ZNF415: variants seen among roughly 807,000 people sequenced by gnomAD.
ZNF415 encodes the protein zinc finger protein 415.
A neutral mutation model predicts 7.3 loss-of-function variants in ZNF415; 5 were observed. The observed-to-expected ratio is 0.69, with a 90% CI of 0.36 to 1.44. ZNF415 has a LOEUF of 1.44. Ranked by LOEUF, ZNF415 falls within the 40% of genes most tolerant of loss-of-function variation. The pLI is 0.04. For missense variants in ZNF415, 628 were observed against 664.8 expected (o/e 0.94, Z 0.61); for synonymous variants, 207 against 226.3 (o/e 0.91, Z 0.77).
At chr19:53,110,967 T>G (rs1259813043) in intron 3 of ZNF415, among the ~76,000 whole-genome samples, 3 of 152,192 alleles carry the variant, frequency 2.0e-5, no homozygotes, top group Non-Finnish European at 4.4e-5. Flanking sequence ...GAAAATTTAT[T>G]AACTGAAATC....
intron 2 of ZNF415, among the ~76,000 whole-genome samples, chr19:53,120,988 G>C (rs981560992): frequency 6.6e-6 from 1 of 150,816 alleles, no homozygotes; most frequent in Non-Finnish European, 1.5e-5. Context: ...GGAGGCTGAG[G>C]CAGGAGAATT....
rs181719863 is a variant in ZNF415, at chr19:53,130,799, C to T, written c.-68+2057G>A. Among the ~76,000 whole-genome samples, 3 of 152,130 alleles carry T rather than the reference C, an allele frequency of 2.0e-5. No individual in the cohort carries two copies. In the East Asian group the frequency reaches 5.8e-4, roughly 30 times the overall value. On this transcript the variant is annotated intron_variant, in intron 1 of 3. Coordinates refer to ENST00000243643, the MANE Select transcript of ZNF415 (RefSeq NM_018355.4). The stretch of plus-strand genomic sequence containing the variant: ...TAGCTGGGATTACAGATGCGTGTCA[C>T]CATACCTGGCTAAGTTTTGTATTTT...
At chr19:53,130,708 C>T (rs897757931) in intron 1 of ZNF415, among the ~76,000 whole-genome samples, 3 of 151,868 alleles carry the variant, frequency 2.0e-5, no homozygotes, top group Non-Finnish European at 2.9e-5. Flanking sequence ...CACCGGATCT[C>T]GGCTCTTGGC....
Position 53,109,923 on chromosome 19 carries a change from A to C in ZNF415, c.137-15T>G. ...ACGAGACAGATCTATAAGAAATGAA[A>C]ACCATAGGTTTCCAATTAATTAGAG... On this transcript the variant is annotated splice_polypyrimidine_tract_variant and intron_variant, in intron 3 of 3. Coordinates refer to ENST00000243643, the MANE Select transcript of ZNF415 (RefSeq NM_018355.4). The C allele has an allele frequency of 6.5e-7, 1 of 1,538,724 alleles. No homozygotes were observed. Among genetic ancestry groups the C allele is most frequent in the South Asian group, 1.3e-5 (1 of 77,984 alleles).
At chr19:53,113,574 C>T (rs909646498) in intron 3 of ZNF415, among the ~76,000 whole-genome samples, 9 of 144,680 alleles carry the variant, frequency 6.2e-5, no homozygotes, top group African/African-American at 1.8e-4. Flanking sequence ...AAAGAACAAA[C>T]GAAAAAAAAC....
At chr19:53,118,367 A>G (rs1468446906) in intron 2 of ZNF415, among the ~76,000 whole-genome samples, 2 of 152,192 alleles carry the variant, frequency 1.3e-5, no homozygotes, top group Non-Finnish European at 2.9e-5. Context: ...ATAGTTAGGG[A>G]TTTCAGCATT....
chr19:53,127,831 C>G (rs1234859352), intron 1 of ZNF415, among the ~76,000 whole-genome samples: 1 of 148,138 alleles, frequency 6.8e-6, no homozygotes, highest in African/African-American at 2.5e-5. Flanking sequence ...GGGCCAGGAT[C>G]GCACCACTGC....
intron 3 of ZNF415, chr19:53,115,745 C>T (rs1281109757): frequency 6.4e-7 from 1 of 1,550,510 alleles, no homozygotes; most frequent in Non-Finnish European, 8.7e-7. Context: ...TTTTGGTTTT[C>T]TTGCTACTCG....
intron 3 of ZNF415, among the ~76,000 whole-genome samples, chr19:53,111,677 A>G (rs983882115): frequency 6.6e-6 from 1 of 152,072 alleles, no homozygotes; most frequent in African/African-American, 2.4e-5. Context: ...GATGAGTTAT[A>G]TAAGACAGAA....
At chr19:53,124,068 T>C (rs2088607039) in intron 1 of ZNF415, 1 of 152,040 alleles carries the variant, frequency 6.6e-6, no homozygotes, top group Non-Finnish European at 1.5e-5. Flanking sequence ...TGAAACCCCA[T>C]CTCTACTAAA....
intron 3 of ZNF415, chr19:53,115,664 G>A: frequency 7.0e-7 from 1 of 1,427,980 alleles, no homozygotes. Context: ...CAAACATAGT[G>A]TAATGGTGTG....
In ZNF415 at chr19:53,108,768, T is replaced by A. The variant is rs2085760645; in HGVS notation, c.1277A>T (p.His426Leu). The A allele has an allele frequency of 3.7e-6, 6 of 1,613,068 alleles. No individual in the cohort carries two copies. Among genetic ancestry groups the A allele is most frequent in the Non-Finnish European group, 5.1e-6 (6 of 1,179,334 alleles). The change falls in exon 4 of 4, where the codon CAC (histidine) becomes CTC (leucine). Residue 426 changes from histidine (H) to leucine (L), a missense_variant. His to Leu is a moderately conservative substitution (Grantham distance 99). Transcript: ENST00000243643. Reference protein sequence around the residue: ...ECGKVFSYNSHLASHRRVHTG... With the variant: ...ECGKVFSYNSLLASHRRVHTG... ...ATGAACTCTCCGATGACTCGCAAGG[T>A]GTGAATTGTAACTGAAAACCTTACC...
chr19:53,108,719 A>C lies in ZNF415; in HGVS notation c.1326T>G (p.Cys442Trp). Residue 442 changes from cysteine (C) to tryptophan (W), a missense_variant, in exon 4 of 4, where the codon TGT becomes TGG. By Grantham distance (215) the Cys-to-Trp change is radical. Transcript: ENST00000243643. ...RVHTGEKPYK[C>W]NECGKAFSVH... Reference sequence around the variant, plus strand: ...CACTAAAGGCTTTCCCACACTCATTACACTTGTAAGGTTTCTCTCCAGTAT... The same window carrying C: ...CACTAAAGGCTTTCCCACACTCATTCCACTTGTAAGGTTTCTCTCCAGTAT... 6.2e-7 allele frequency: 1 copy of C among 1,614,170 alleles called. No homozygotes were observed. Among genetic ancestry groups the C allele is most frequent in the Non-Finnish European group, 8.5e-7 (1 of 1,180,028 alleles).
Position 53,108,858 on chromosome 19 carries a change from G to A in ZNF415, c.1187C>T (p.Thr396Ile). The A allele has an allele frequency of 6.2e-7, 1 of 1,613,738 alleles. No individual in the cohort carries two copies. ...TCTCCAATGCCTTGCAAGGCTTGAA[G>A]TCTGACTGAAGACTTTACCACATTC... ...CNECGKVFSQ[T>I]SSLARHWRIH... is the part of the protein sequence containing the mutation. Residue 396 changes from threonine to isoleucine, a missense_variant, in exon 4 of 4, where the codon ACT (threonine) becomes ATT (isoleucine). Coordinates refer to ENST00000243643, the MANE Select transcript of ZNF415 (RefSeq NM_018355.4).
intron 1 of ZNF415, among the ~76,000 whole-genome samples, chr19:53,128,829 T>C (rs79997485): frequency 0.014 from 1,311 of 95,296 alleles, 47 homozygotes; most frequent in African/African-American, 0.019. Context: ...CTGAGGAGTC[T>C]TCAGCCCAAC....
In ZNF415 at chr19:53,109,796, C is replaced by T. The variant is rs778623046; in HGVS notation, c.249G>A (p.Glu83=). Residue 83 remains glutamate (E), a synonymous_variant, in exon 4 of 4, where the codon GAG becomes GAA. Coordinates refer to ENST00000243643, the MANE Select transcript of ZNF415 (RefSeq NM_018355.4). ...LEQHEKHDIE[E]FCFREIKKKI... is the part of the protein sequence containing the mutation. Reference sequence around the variant, plus strand: ...TTTTCTTGATTTCCCTGAAGCAAAACTCTTCAATGTCATGTTTTTCATGTT... The same window carrying T: ...TTTTCTTGATTTCCCTGAAGCAAAATTCTTCAATGTCATGTTTTTCATGTT... The T allele has an allele frequency of 3.1e-5, 50 of 1,613,778 alleles. No homozygotes were observed. The highest frequency in any genetic ancestry group is 4.2e-5 in the Non-Finnish European group (49 of 1,179,952).
At chr19:53,126,493 G>A (rs1279597054) in intron 1 of ZNF415, among the ~76,000 whole-genome samples, 2 of 141,118 alleles carry the variant, frequency 1.4e-5, no homozygotes, top group African/African-American at 5.0e-5. Flanking sequence ...GTCTTGCGTG[G>A]GGCAAACTGA....
intron 3 of ZNF415, among the ~76,000 whole-genome samples, chr19:53,113,695 A>G (rs185317602): frequency 2.5e-4 from 38 of 152,298 alleles, no homozygotes; most frequent in African/African-American, 8.7e-4. Flanking sequence ...ACAATGGTGC[A>G]CACAGGATGG....
In ZNF415 at chr19:53,108,293, T is replaced by G. The variant is rs2085675146; in HGVS notation, c.*84A>C. Reference sequence around the variant, plus strand: ...AATTGTGACTGAAAACCTTGCCACATTTATTATACTTGTATGGTTTCTCTC... The same window carrying G: ...AATTGTGACTGAAAACCTTGCCACAGTTATTATACTTGTATGGTTTCTCTC... On this transcript the variant is annotated 3_prime_UTR_variant, in exon 4 of 4. Transcript: ENST00000243643. 3.7e-6 allele frequency: 5 copies of G among 1,348,832 alleles called. No individual in the cohort carries two copies. The East Asian group carries it at 9.3e-5, about 25-fold the overall frequency. The allele number at this position is 1,348,832 out of a possible 1,614,324, so 83.6% of individuals were successfully genotyped here. A position where few individuals can be genotyped will look rare whatever the true frequency, so the allele number is the denominator to read the frequency against.
Sources: allele counts gnomAD v4.1 joint callset (sites outside exome capture counted in the v4.1 genomes callset), GRCh38; gene constraint gnomAD v4.1.1; transcripts MANE v1.5; gene names NCBI Gene and HGNC (gene_info 2026-07-23, HGNC 2026-07-21).